FAM91A1: variants seen among roughly 807,000 people sequenced by gnomAD.
FAM91A1 encodes family with sequence similarity 91 member A1.
In FAM91A1, 41 loss-of-function variants were observed where a neutral mutation model predicts 113.5. The observed-to-expected ratio is 0.36, with a 90% CI of 0.28 to 0.47. The LOEUF is 0.47. Ranked by LOEUF, FAM91A1 falls within the 20% of genes least tolerant of loss-of-function variation. The pLI is 1.00. For missense variants in FAM91A1, 696 were observed against 1,001.2 expected (o/e 0.70, Z 4.11); for synonymous variants, 307 against 347.9 (o/e 0.88, Z 1.31).
At chr8:123,769,863 A>T (rs1278567205) in intron 1 of FAM91A1, among the ~76,000 whole-genome samples, 1 of 152,214 alleles carries the variant, frequency 6.6e-6, no homozygotes, top group Non-Finnish European at 1.5e-5. Flanking sequence ...CGAGAGTGAA[A>T]TTCAGTTTTC....
rs778221631 is a variant in FAM91A1 at position 123,768,819 on chromosome 8, C to A, written c.72+45C>A. On this transcript the variant is annotated intron_variant, in intron 1 of 23. Transcript: ENST00000334705. ...CCGGGCCCCTGACGGATTCGGCCCG[C>A]CCAGCGGTCACCTGCTTGCCTCGCT... 4 of 1,585,784 alleles carry A rather than the reference C, an allele frequency of 2.5e-6. No individual in the cohort carries two copies. In the South Asian group the frequency reaches 4.5e-5, roughly 18 times the overall value.
chr8:123,785,167 A>G, intron 10 of FAM91A1, 48 bp downstream of exon 10: 1 of 1,407,766 alleles, frequency 7.1e-7, no homozygotes, highest in Admixed American at 2.4e-5. Flanking sequence ...AACTGAGTGG[A>G]TTTTACTAGT....
At position 123,780,203 on chromosome 8, in the gene FAM91A1, A is replaced by C. The variant is rs574172195; in HGVS notation, c.640+128A>C. On this transcript the variant is annotated intron_variant, in intron 7 of 23. Coordinates refer to ENST00000334705, the MANE Select transcript of FAM91A1 (RefSeq NM_144963.4). ...TTTCTAAGGCATGTTATTGTTTGAA[A>C]TGTGACCTTAGTCTTTTGTTTTCCA... 14 of 827,636 alleles carry C rather than the reference A, an allele frequency of 1.7e-5. No individual in the cohort carries two copies. The South Asian group carries it at 2.7e-4, about 16-fold the overall frequency. 51.3% of individuals were successfully genotyped at this position (827,636 alleles called of 1,614,324 possible).
At chr8:123,772,618 C>T (rs892017755) in intron 1 of FAM91A1, among the ~76,000 whole-genome samples, 2 of 152,182 alleles carry the variant, frequency 1.3e-5, no homozygotes, top group Non-Finnish European at 2.9e-5. Context: ...GAAAGCTCAC[C>T]CTTGAACAAC....
chr8:123,778,759 A>G lies in FAM91A1; in HGVS notation c.536A>G (p.Glu179Gly). ...GTGGTGCAGGCTGGCTATATCACAG[A>G]AGATGACATCAAGGTAGAAATCTTT... Reference protein sequence around the residue: ...WWVVQAGYITEDDIKICTLPE... With the variant: ...WWVVQAGYITGDDIKICTLPE... Residue 179 changes from glutamate to glycine, a missense_variant, in exon 6 of 24, where the codon GAA (glutamate) becomes GGA (glycine). Physicochemically the swap from Glu to Gly is moderately conservative, Grantham distance 98. Transcript: ENST00000334705. The G allele has an allele frequency of 6.4e-7, 1 of 1,552,892 alleles. No homozygotes were observed. Among genetic ancestry groups the G allele is most frequent in the Non-Finnish European group, 8.7e-7 (1 of 1,149,620 alleles).
At chr8:123,809,366 C>T (rs1815894281) in intron 22 of FAM91A1, among the ~76,000 whole-genome samples, 1 of 152,162 alleles carries the variant, frequency 6.6e-6, no homozygotes, top group Non-Finnish European at 1.5e-5. Flanking sequence ...TCTCTCACTC[C>T]TAACATACAC....
chr8:123,785,295 G>A (rs1220986751), intron 10 of FAM91A1, among the ~76,000 whole-genome samples, 176 bp downstream of exon 10: 1 of 152,182 alleles, frequency 6.6e-6, no homozygotes, highest in Non-Finnish European at 1.5e-5. Context: ...AGGAAAAGGG[G>A]CCCTAAATTG....
chr8:123,808,787 G>A, intron 21 of FAM91A1, 106 bp from the exon 22 acceptor site: 1 of 1,132,930 alleles, frequency 8.8e-7, no homozygotes, highest in South Asian at 1.9e-5. Flanking sequence ...CAGTGGGGCA[G>A]GAGGAATCTA....
intron 8 of FAM91A1, among the ~76,000 whole-genome samples, chr8:123,781,219 T>C (rs922231771): frequency 5.3e-5 from 8 of 152,202 alleles, no homozygotes; most frequent in African/African-American, 1.7e-4. Context: ...TTGTGGCATA[T>C]CTTTTAACTA....
chr8:123,808,240 T>C, intron 20 of FAM91A1, 32 bp from the exon 21 acceptor site: 2 of 1,569,696 alleles, frequency 1.3e-6, no homozygotes, highest in Non-Finnish European at 1.7e-6. Flanking sequence ...ACTGCTAGAA[T>C]CCTAATATTG....
intron 7 of FAM91A1, 37 bp from the exon 8 acceptor site, chr8:123,780,443 G>C: frequency 1.3e-6 from 2 of 1,483,072 alleles, no homozygotes; most frequent in African/African-American, 2.8e-5. Flanking sequence ...CTGTTGTGTA[G>C]TGTTCCATCT....
chr8:123,796,193 T>G (rs1781651451), intron 15 of FAM91A1, among the ~76,000 whole-genome samples: 1 of 152,196 alleles, frequency 6.6e-6, no homozygotes, highest in African/African-American at 2.4e-5. Flanking sequence ...TTTAAGGCTT[T>G]TTACACACAG....
intron 18 of FAM91A1, among the ~76,000 whole-genome samples, chr8:123,801,858 G>T (rs1174148282): frequency 6.6e-6 from 1 of 151,358 alleles, no homozygotes; most frequent in Non-Finnish European, 1.5e-5. Context: ...CACGGTGCTT[G>T]GGTCATAGTA....
chr8:123,801,797 A>AG (rs1167143945), intron 18 of FAM91A1, among the ~76,000 whole-genome samples: 2 of 145,226 alleles, frequency 1.4e-5, no homozygotes, highest in Non-Finnish European at 3.0e-5. Flanking sequence ...TCTCTGGGCA[A>AG]GGATTTTTTT....
In FAM91A1 at chr8:123,805,283, G is replaced by A. The variant is rs1464094007; in HGVS notation, c.1826G>A (p.Gly609Glu). ...AVLIQGHGLHGIGETVHVPFP... is the reference protein window; with the variant it reads ...AVLIQGHGLHEIGETVHVPFP... Reference sequence around the variant, plus strand: ...TATGTTTAGGGGCATGGTCTGCATGGGATAGGAGAAACTGTCCATGTCCCA... The same window carrying A: ...TATGTTTAGGGGCATGGTCTGCATGAGATAGGAGAAACTGTCCATGTCCCA... Residue 609 changes from glycine to glutamate, a missense_variant, in exon 19 of 24, where the codon GGG becomes GAG. Physicochemically the swap from Gly to Glu is moderately conservative, Grantham distance 98 (BLOSUM62 -2). Transcript: ENST00000334705. 1.2e-6 allele frequency: 2 copies of A among 1,612,144 alleles called. No individual in the cohort carries two copies. Among genetic ancestry groups the A allele is most frequent in the East Asian group, 2.2e-5 (1 of 44,780 alleles).
At chr8:123,802,022 A>C (rs774401038) in intron 18 of FAM91A1, among the ~76,000 whole-genome samples, 4 of 152,124 alleles carry the variant, frequency 2.6e-5, no homozygotes, top group Non-Finnish European at 5.9e-5. Flanking sequence ...CTGGCCCTGC[A>C]GTGCCGCCTG....
rs745322287 is a variant in FAM91A1 at position 123,798,108 on chromosome 8, T to TA, written c.1431dup (p.Arg478ThrfsTer3). Reference sequence around the variant, plus strand: ...AACTCAGGTTTTCCTCTGGATCTCTTACGCTGTGAAAGCCTTCTTGGTTTG... The same window carrying TA: ...AACTCAGGTTTTCCTCTGGATCTCTTAACGCTGTGAAAGCCTTCTTGGTTTG... On this transcript the variant is annotated frameshift_variant, in exon 16 of 24. Coordinates refer to ENST00000334705, the MANE Select transcript of FAM91A1 (RefSeq NM_144963.4). LOFTEE classifies it high-confidence loss of function. The TA allele has an allele frequency of 1.2e-6, 2 of 1,613,712 alleles. No homozygotes were observed. Among genetic ancestry groups the TA allele is most frequent in the Admixed American group, 1.7e-5 (1 of 59,996 alleles).
chr8:123,794,758 C>A (rs1815468590), intron 15 of FAM91A1, among the ~76,000 whole-genome samples: 1 of 152,178 alleles, frequency 6.6e-6, no homozygotes, highest in African/African-American at 2.4e-5. Context: ...TACAGAGAGC[C>A]ACTAGTGATG....
intron 14 of FAM91A1, among the ~76,000 whole-genome samples, chr8:123,788,470 A>G (rs1815309458): frequency 6.6e-6 from 1 of 150,788 alleles, no homozygotes; most frequent in Non-Finnish European, 1.5e-5. Flanking sequence ...CAACTCCTTT[A>G]TATCTTAAAA....
Sources: allele counts gnomAD v4.1 joint callset (sites outside exome capture counted in the v4.1 genomes callset), GRCh38; gene constraint gnomAD v4.1.1; transcripts MANE v1.5; gene names NCBI Gene and HGNC (gene_info 2026-07-23, HGNC 2026-07-21).